The following PTPRN2 variants were observed in gnomAD, a reference collection of about 807,000 sequenced individuals.
PTPRN2 encodes protein tyrosine phosphatase receptor type N2.
A neutral mutation model predicts 118.8 loss-of-function variants in PTPRN2; 74 were observed. That is an observed-to-expected ratio of 0.62 (90% confidence interval 0.52 to 0.76). The LOEUF (loss-of-function observed/expected upper bound fraction) is 0.76, where lower values mean the gene tolerates loss of function less well. PTPRN2 is among the 30% of genes least tolerant of loss of function. PTPRN2 has a pLI of 0.00. For synonymous variants in PTPRN2, 641 were observed against 608.0 expected (o/e 1.05, Z -0.80); for missense variants, 1,481 against 1,394.4 (o/e 1.06, Z -0.99).
chr7:157,703,996 T>C (rs1031398967), intron 12 of PTPRN2, among the ~76,000 whole-genome samples: 2 of 152,220 alleles, frequency 1.3e-5, no homozygotes, highest in Non-Finnish European at 2.9e-5. Flanking sequence ...CTCTGTTTTT[T>C]CCAGCTGCAG....
At chr7:158,521,567 C>G (rs112675757) in intron 1 of PTPRN2, among the ~76,000 whole-genome samples, 2,091 of 129,972 alleles carry the variant, frequency 0.016, 385 homozygotes, top group African/African-American at 0.055. Context: ...TGTCCAGGTA[C>G]TGGCTCAGGG....
At chr7:157,961,122 T>C (rs1357508879) in intron 11 of PTPRN2, among the ~76,000 whole-genome samples, 1 of 152,246 alleles carries the variant, frequency 6.6e-6, no homozygotes, top group African/African-American at 2.4e-5. Context: ...TTGAAGGAAA[T>C]ATGCCAAAAT....
intron 9 of PTPRN2, among the ~76,000 whole-genome samples, chr7:158,112,175 G>C (rs1353324209): frequency 6.6e-6 from 1 of 150,670 alleles, no homozygotes; most frequent in Admixed American, 6.6e-5. Flanking sequence ...CAGCAGCCCA[G>C]GCAGACTAGC....
chr7:158,522,426 A>ACTGTCCAGGTAGTGGCTCAGGAGGG lies in PTPRN2; in HGVS notation c.113-32642_113-32641insCCCTCCTGAGCCACTACCTGGACAG, dbSNP rs1563390339. Among the ~76,000 whole-genome samples the ACTGTCCAGGTAGTGGCTCAGGAGGG allele has an allele frequency of 2.2e-5, 3 of 136,756 alleles. 1 individual carries two copies. The highest frequency in any genetic ancestry group is 4.7e-5 in the Non-Finnish European group (3 of 63,534). 89.7% of individuals were successfully genotyped at this position (136,756 alleles called of 152,430 possible). ...ACTGTCCAGGTGCTGGCTCAGGGGG[A>ACTGTCCAGGTAGTGGCTCAGGAGGG]AGGTCCACATCGGAATGGTAGACTG... On this transcript the variant is annotated intron_variant, in intron 1 of 22. Coordinates refer to ENST00000389418, the MANE Select transcript of PTPRN2 (RefSeq NM_002847.5).
intron 11 of PTPRN2, among the ~76,000 whole-genome samples, chr7:157,950,768 A>G (rs1382766979): frequency 6.6e-6 from 1 of 152,140 alleles, no homozygotes; most frequent in East Asian, 1.9e-4. Flanking sequence ...TCCATATCGG[A>G]TGCTGGAAGC....
chr7:158,395,296 G>A (rs1368470291), intron 2 of PTPRN2, among the ~76,000 whole-genome samples: 19 of 139,842 alleles, frequency 1.4e-4, no homozygotes, highest in South Asian at 7.2e-4. Flanking sequence ...AGGGGTGAGG[G>A]GTGAGGGGCG....
At chr7:157,896,820 C>T (rs1425259552) in intron 12 of PTPRN2, among the ~76,000 whole-genome samples, 1 of 152,210 alleles carries the variant, frequency 6.6e-6, no homozygotes, top group African/African-American at 2.4e-5. Context: ...CATGTCCTGC[C>T]TCTTTTCTGG....
intron 11 of PTPRN2, among the ~76,000 whole-genome samples, chr7:157,991,497 T>C (rs1343929330): frequency 6.6e-6 from 1 of 152,206 alleles, no homozygotes; most frequent in Non-Finnish European, 1.5e-5. Flanking sequence ...CACAGAGCCC[T>C]GGTGGCACCG....
chr7:158,429,683 A>G (rs1375661677), intron 2 of PTPRN2, among the ~76,000 whole-genome samples: 1 of 152,212 alleles, frequency 6.6e-6, no homozygotes, highest in African/African-American at 2.4e-5. Flanking sequence ...AGGCAAACAT[A>G]TGGAAAGATG....
chr7:158,188,229 G>A lies in PTPRN2; in HGVS notation c.549+4098C>T, dbSNP rs112270407. Among the ~76,000 whole-genome samples the A allele has an allele frequency of 3.6e-4, 24 of 67,572 alleles. 1 individual carries two copies. The highest frequency in any genetic ancestry group is 1.1e-3 in the South Asian group (2 of 1,748). 44.3% of individuals were successfully genotyped at this position (67,572 alleles called of 152,430 possible). On this transcript the variant is annotated intron_variant, in intron 5 of 22. Coordinates refer to ENST00000389418, the MANE Select transcript of PTPRN2 (RefSeq NM_002847.5). Reference sequence around the variant, plus strand: ...CGCTCGCCGCCTGATGGGGAAGGCCGCCACGCTTGCCCCGCGATGGGGAAG... The same window carrying A: ...CGCTCGCCGCCTGATGGGGAAGGCCACCACGCTTGCCCCGCGATGGGGAAG...
intron 19 of PTPRN2, chr7:157,574,513 T>TGTGAGA (rs146248159): frequency 3.6e-6 from 1 of 277,808 alleles, no homozygotes; most frequent in African/African-American, 2.2e-5. Flanking sequence ...AGAGTAATAA[T>TGTGAGA]GAGAGAGAGA....
Position 158,526,674 on chromosome 7 carries a change from C to T in PTPRN2, c.113-36889G>A, listed in dbSNP as rs914151358. The stretch of plus-strand genomic sequence containing the variant: ...GGTGATTTCAGTAAAACGAGGTCGC[C>T]GGATGGGCCCGGATCCAGGCTGACT... On this transcript the variant is annotated intron_variant, in intron 1 of 22. Transcript: ENST00000389418. This position sits in a 1 kb window ranked among gnomAD's most constrained non-coding sequence, Gnocchi z 5.2. Among the ~76,000 whole-genome samples, 3 of 152,016 alleles carry T rather than the reference C, an allele frequency of 2.0e-5. No individual in the cohort carries two copies. The highest frequency in any genetic ancestry group is 1.3e-4 in the Admixed American group (2 of 15,256).
At position 158,090,116 on chromosome 7, in the gene PTPRN2, C is replaced by T. The variant is rs13308904; in HGVS notation, c.1644-8739G>A. On this transcript the variant is annotated intron_variant, in intron 10 of 22. Coordinates refer to ENST00000389418, the MANE Select transcript of PTPRN2 (RefSeq NM_002847.5). ...TTCACACACATCCTTCTTCCCCTGA[C>T]AAAAGAGGGAGTCTTCACACACATC... is the stretch of plus-strand genomic sequence containing the variant. 1.4e-3 allele frequency among the ~76,000 whole-genome samples: 14 copies of T among 10,146 alleles called. 2 individuals are homozygous for T. The highest frequency in any genetic ancestry group is 6.1e-3 in the Non-Finnish European group (9 of 1,470). 6.7% of individuals were successfully genotyped at this position (10,146 alleles called of 152,430 possible).
intron 2 of PTPRN2, among the ~76,000 whole-genome samples, chr7:158,419,762 G>A (rs529256225): frequency 2.1e-4 from 32 of 152,186 alleles, no homozygotes; most frequent in Admixed American, 1.1e-3. Flanking sequence ...ATGTCTGACC[G>A]GACTCAGAAG....
intron 12 of PTPRN2, among the ~76,000 whole-genome samples, chr7:157,772,769 G>A (rs190731277): frequency 5.3e-5 from 8 of 152,362 alleles, no homozygotes; most frequent in Admixed American, 2.0e-4. Flanking sequence ...GAACAAACAC[G>A]TAAACACATT....
At chr7:157,689,149 G>C (rs941079687) in intron 12 of PTPRN2, among the ~76,000 whole-genome samples, 4 of 152,354 alleles carry the variant, frequency 2.6e-5, no homozygotes, top group Admixed American at 2.6e-4. Flanking sequence ...GGGAGGGGGC[G>C]GGAGGGCACT....
chr7:157,693,736 G>C (rs1314456580), intron 12 of PTPRN2, among the ~76,000 whole-genome samples: 1 of 152,166 alleles, frequency 6.6e-6, no homozygotes, highest in Non-Finnish European at 1.5e-5. Flanking sequence ...CACCCTCCCC[G>C]CCCGCGGCGA....
At chr7:158,558,623 T>A (rs1586940723) in intron 1 of PTPRN2, among the ~76,000 whole-genome samples, 1 of 151,752 alleles carries the variant, frequency 6.6e-6, no homozygotes, top group Admixed American at 6.6e-5. Context: ...AAAAAACAGG[T>A]GCAGCAATGA....
chr7:158,234,379 T>C (rs1169770732), intron 3 of PTPRN2, among the ~76,000 whole-genome samples: 2 of 149,890 alleles, frequency 1.3e-5, no homozygotes, highest in African/African-American at 2.5e-5. Context: ...AATAAAAACA[T>C]ACAAATGGCA....
Sources: allele counts gnomAD v4.1 joint callset (sites outside exome capture counted in the v4.1 genomes callset), GRCh38; gene constraint gnomAD v4.1.1; non-coding constraint Gnocchi (gnomAD v3.1); transcripts MANE v1.5; gene names NCBI Gene and HGNC (gene_info 2026-07-23, HGNC 2026-07-21).